TNS1: variants seen among roughly 807,000 people sequenced by gnomAD.
TNS1 encodes tensin-1.
TNS1 carries 62 observed loss-of-function variants against 168.6 expected under a neutral mutation model. The observed-to-expected ratio is 0.37, with a 90% confidence interval of 0.30 to 0.45. The LOEUF is 0.45. TNS1 is among the 20% of genes least tolerant of loss of function. The pLI is 1.00. For missense variants in TNS1, 2,240 were observed against 2,339.4 expected (o/e 0.96, Z 0.88); for synonymous variants, 934 against 933.2 (o/e 1.00, Z -0.02).
chr2:217,857,229 T>C (rs933477126), intron 18 of TNS1, among the ~76,000 whole-genome samples: 3 of 152,156 alleles, frequency 2.0e-5, no homozygotes, highest in Non-Finnish European at 4.4e-5. Context: ...AAGAGAGCTT[T>C]TTAAAAGCCC....
chr2:217,952,452 C>T (rs949304485), intron 3 of TNS1, among the ~76,000 whole-genome samples: 3 of 152,046 alleles, frequency 2.0e-5, no homozygotes, highest in South Asian at 2.1e-4. Context: ...CTTCCCAAAC[C>T]GGTGACTCTC....
At chr2:217,930,198 A>T (rs1360177034) in intron 3 of TNS1, among the ~76,000 whole-genome samples, 1 of 152,212 alleles carries the variant, frequency 6.6e-6, no homozygotes, top group Non-Finnish European at 1.5e-5. Context: ...CATTTCACAG[A>T]TGAGGAAATG....
intron 3 of TNS1, among the ~76,000 whole-genome samples, chr2:217,931,251 G>A (rs886287832): frequency 1.1e-4 from 17 of 152,184 alleles, no homozygotes; most frequent in African/African-American, 3.6e-4. Context: ...CACCCAGAGC[G>A]AGGCTGCCCA....
chr2:217,931,969 G>A (rs1956347384), intron 3 of TNS1, among the ~76,000 whole-genome samples: 1 of 152,082 alleles, frequency 6.6e-6, no homozygotes, highest in African/African-American at 2.4e-5. Flanking sequence ...TTTAAGGCTG[G>A]CCAAAATGAG....
rs541801526 is a variant in TNS1 at position 217,809,681 on chromosome 2, T to C, written c.5273+142A>G. On this transcript the variant is annotated intron_variant, in intron 30 of 32. Transcript: ENST00000682258. Reference sequence around the variant, plus strand: ...GATAAGTAGCTGGGTAGATGGGAGGTAGATGCAAGATAGATGGATGAGAAG... The same window carrying C: ...GATAAGTAGCTGGGTAGATGGGAGGCAGATGCAAGATAGATGGATGAGAAG... 69 of 826,048 alleles carry C rather than the reference T, an allele frequency of 8.4e-5. 1 individual carries two copies. In the African/African-American group the frequency reaches 1.1e-3, roughly 13 times the overall value. The allele number at this position is 826,048 out of a possible 1,614,324, so 51.2% of individuals were successfully genotyped here. A position where few individuals can be genotyped will look rare whatever the true frequency, so the allele number is the denominator to read the frequency against.
chr2:217,882,421 G>A lies in TNS1; in HGVS notation c.1247-10C>T. The A allele has an allele frequency of 6.3e-7, 1 of 1,584,856 alleles. No homozygotes were observed. On this transcript the variant is annotated splice_polypyrimidine_tract_variant and intron_variant, in intron 16 of 32. Transcript: ENST00000682258. ...TCTGGAAATCGATCATCTGGAAAAA[G>A]AGAAGGAAAAATAAAAATAGGCAAA...
intron 3 of TNS1, among the ~76,000 whole-genome samples, chr2:217,964,197 T>C (rs1430235181): frequency 6.6e-6 from 1 of 152,172 alleles, no homozygotes; most frequent in Non-Finnish European, 1.5e-5. Flanking sequence ...CACAGAGGGG[T>C]GCTGATCATA....
chr2:217,847,144 C>CT (rs1946760010), intron 19 of TNS1, among the ~76,000 whole-genome samples: 1 of 152,236 alleles, frequency 6.6e-6, no homozygotes, highest in South Asian at 2.1e-4. Context: ...CTCCTGGAAG[C>CT]TTTCCCTGAC....
chr2:217,870,953 G>T (rs564239659), intron 18 of TNS1, among the ~76,000 whole-genome samples: 1 of 152,214 alleles, frequency 6.6e-6, no homozygotes, highest in African/African-American at 2.4e-5. Flanking sequence ...GAATTCTCAA[G>T]ACTAATTGTG....
intron 3 of TNS1, among the ~76,000 whole-genome samples, chr2:217,930,726 C>G (rs923178262): frequency 7.2e-5 from 11 of 152,136 alleles, no homozygotes; most frequent in Non-Finnish European, 1.6e-4. Context: ...TGCTGAGGCA[C>G]GCGGCCGGAG....
chr2:217,843,571 C>T (rs545408043), intron 19 of TNS1, among the ~76,000 whole-genome samples: 21 of 152,292 alleles, frequency 1.4e-4, no homozygotes, highest in Admixed American at 5.9e-4. Flanking sequence ...GTCACCAACA[C>T]GCACTAAAAA....
At chr2:218,002,996 G>C (rs1316123023), upstream of TNS1, 5 of 450,790 alleles carry the variant, frequency 1.1e-5, no homozygotes, top group African/African-American at 1.0e-4. Context: ...GCCAGCATCT[G>C]CTGGGCCTCT....
chr2:217,995,496 G>A lies in TNS1; in HGVS notation c.34-4440C>T, dbSNP rs1193803621. Among the ~76,000 whole-genome samples the A allele has an allele frequency of 1.3e-5, 2 of 152,224 alleles. No homozygotes were observed. Among genetic ancestry groups the A allele is most frequent in the East Asian group, 1.9e-4 (1 of 5,168 alleles). ...AAAAATATGGGCTAAGAAGAAAAGC[G>A]GGGTGCCTGGTACCTACCCAGCCCT... On this transcript the variant is annotated intron_variant, in intron 1 of 32. Coordinates refer to ENST00000682258, the MANE Select transcript of TNS1 (RefSeq NM_001387777.1). The surrounding 1 kb of genome is among the most constrained non-coding windows in gnomAD (Gnocchi z 4.1).
intron 3 of TNS1, among the ~76,000 whole-genome samples, chr2:217,946,963 T>TCACACA (rs1340630921): frequency 4.5e-5 from 6 of 132,356 alleles, no homozygotes; most frequent in African/African-American, 2.2e-4. Context: ...TCTCTCTCTC[T>TCACACA]CTCTCTCACA....
intron 1 of TNS1, chr2:218,010,066 T>TGGGGGGGGGGGGGGGGGGGGG: frequency 5.9e-6 from 1 of 169,392 alleles, no homozygotes; most frequent in Non-Finnish European, 1.1e-5. Context: ...CGGGGGGGGG[T>TGGGGGGGGGGGGGGGGGGGGG]CGGAAGGGGC....
At position 217,966,974 on chromosome 2, in the gene TNS1, G is replaced by T. The variant is rs201382466; in HGVS notation, c.186+11791C>A. On this transcript the variant is annotated intron_variant, in intron 3 of 32. Coordinates refer to ENST00000682258, the MANE Select transcript of TNS1 (RefSeq NM_001387777.1). ...ATCTGCTTTATATGTGGTATTTCAA[G>T]GATTAAATGAGAAGAGTGTCACGTA... Among the ~76,000 whole-genome samples, 38 of 152,326 alleles carry T rather than the reference G, an allele frequency of 2.5e-4. No individual in the cohort carries two copies. In the East Asian group the frequency reaches 6.2e-3, roughly 25 times the overall value.
At chr2:217,922,061 G>A (rs760258486) in intron 3 of TNS1, among the ~76,000 whole-genome samples, 2 of 152,164 alleles carry the variant, frequency 1.3e-5, no homozygotes, top group Non-Finnish European at 2.9e-5. Flanking sequence ...AGAAGCCCGG[G>A]GTCCTTAATC....
chr2:217,843,261 T>C (rs1227364068), intron 19 of TNS1, among the ~76,000 whole-genome samples: 3 of 152,162 alleles, frequency 2.0e-5, no homozygotes, highest in African/African-American at 7.2e-5. Flanking sequence ...TTGAGCCTAA[T>C]TTACCTACAT....
intron 3 of TNS1, among the ~76,000 whole-genome samples, chr2:217,969,792 A>G (rs1957734191): frequency 1.3e-5 from 2 of 152,244 alleles, no homozygotes; most frequent in African/African-American, 4.8e-5. Context: ...AGTGTTGACA[A>G]GGATGTGGAA....
Sources: gnomAD v4.1 joint callset for allele counts (sites outside exome capture counted in the v4.1 genomes callset) on GRCh38, gnomAD v4.1.1 for gene constraint, Gnocchi (gnomAD v3.1) non-coding constraint, MANE v1.5 for transcripts, NCBI Gene and HGNC (gene_info 2026-07-23, HGNC 2026-07-21) for gene names.